Variants in TPTE2 observed in about 807,000 individuals in gnomAD.
The protein encoded by TPTE2 is transmembrane phosphoinositide 3-phosphatase and tensin homolog 2.
A neutral mutation model predicts 78.6 loss-of-function variants in TPTE2; 53 were observed. The ratio of observed to expected loss-of-function variants is 0.67; its 90% CI spans 0.54 to 0.85. TPTE2 has a LOEUF of 0.85. Ranked by LOEUF, TPTE2 falls within the 40% of genes least tolerant of loss-of-function variation. TPTE2 has a pLI of 0.00. For synonymous variants in TPTE2, 175 were observed against 206.2 expected, an observed-to-expected ratio of 0.85 and a Z score of 1.30; for missense variants, 461 against 623.0, an observed-to-expected ratio of 0.74 and a Z score of 2.77.
At position 19,535,040 on chromosome 13, in the gene TPTE2, C is replaced by A. The variant is rs1057335597; in HGVS notation, c.-44+1556G>T. 6.6e-5 allele frequency among the ~76,000 whole-genome samples: 10 copies of A among 151,976 alleles called. No homozygotes were observed. Among genetic ancestry groups the A allele is most frequent in the African/African-American group, 2.4e-4 (10 of 41,382 alleles). On this transcript the variant is annotated intron_variant, in intron 1 of 17. Transcript: ENST00000390680. This position sits in a 1 kb window ranked among gnomAD's most constrained non-coding sequence, Gnocchi z 5.1. ...CCAACATCGTGAAGCCCCATCTCTA[C>A]CAAAAATACAGAAATTAGCCAGGCG...
intron 4 of TPTE2, among the ~76,000 whole-genome samples, chr13:19,476,607 C>T (rs572429549): frequency 3.9e-5 from 6 of 151,964 alleles, no homozygotes; most frequent in African/African-American, 1.5e-4. Flanking sequence ...AACAAGCATA[C>T]GAAGAAAAGC....
intron 19 of TPTE2, among the ~76,000 whole-genome samples, chr13:19,424,320 G>A (rs1396467854): frequency 6.6e-6 from 1 of 152,152 alleles, no homozygotes; most frequent in Non-Finnish European, 1.5e-5. Flanking sequence ...TGAGAAATGT[G>A]GTTCCAAATA....
intron 15 of TPTE2, among the ~76,000 whole-genome samples, 180 bp from the exon 19 acceptor site, chr13:19,432,758 G>A (rs1210582032): frequency 6.6e-6 from 1 of 150,704 alleles, no homozygotes; most frequent in Non-Finnish European, 1.5e-5. Flanking sequence ...TATCTACCTT[G>A]AGGGAAAAAT....
intron 1 of TPTE2, among the ~76,000 whole-genome samples, chr13:19,497,797 G>A (rs1224266334): frequency 6.6e-6 from 1 of 151,490 alleles, no homozygotes; most frequent in Non-Finnish European, 1.5e-5. Context: ...AAAGCTGGAT[G>A]GAGAATGACT....
In TPTE2 at chr13:19,443,833, G is replaced by A. The variant is rs1877654777; in HGVS notation, c.974-5680C>T. Among the ~76,000 whole-genome samples, 3 of 151,922 alleles carry A rather than the reference G, an allele frequency of 2.0e-5. No individual in the cohort carries two copies. In the South Asian group the frequency reaches 6.2e-4, roughly 32 times the overall value. On this transcript the variant is annotated intron_variant, in intron 13 of 19. Transcript: ENST00000400230. The stretch of plus-strand genomic sequence containing the variant: ...AAGCTTTTCCTTTGAGAATGGAACT[G>A]TATGTTGATGGCTGCTATTGCCACT...
chr13:19,499,926 G>A (rs1027750847), intron 1 of TPTE2, among the ~76,000 whole-genome samples: 3 of 143,574 alleles, frequency 2.1e-5, no homozygotes, highest in Middle Eastern at 3.5e-3. Context: ...GAAAAAAAGA[G>A]AGAAGAATCT....
At chr13:19,474,654 T>C (rs1024470981) in intron 5 of TPTE2, among the ~76,000 whole-genome samples, 1 of 152,232 alleles carries the variant, frequency 6.6e-6, no homozygotes, top group Non-Finnish European at 1.5e-5. Context: ...TCTAAAGTAC[T>C]TCCTGCCACT....
At chr13:19,450,491 C>T (rs1404257811) in intron 11 of TPTE2, 147 bp from the exon 15 acceptor site, 23 of 747,958 alleles carry the variant, frequency 3.1e-5, no homozygotes, top group Admixed American at 1.2e-4. Context: ...CTAAAATAAA[C>T]GCAAGCATTT....
upstream of TPTE2, among the ~76,000 whole-genome samples, chr13:19,506,627 T>C (rs186163645): frequency 4.2e-3 from 636 of 152,322 alleles, 5 homozygotes; most frequent in South Asian, 0.026. Context: ...CTGCAGTTAC[T>C]CTAGACATGA....
intron 3 of TPTE2, among the ~76,000 whole-genome samples, chr13:19,484,535 A>G (rs1258443308): frequency 1.3e-5 from 2 of 152,162 alleles, no homozygotes; most frequent in Non-Finnish European, 2.9e-5. Context: ...TTCTGTCTAG[A>G]TGATTTGCCC....
chr13:19,543,666 A>G, the TPTE2 span, among the ~76,000 whole-genome samples: 1 of 152,120 alleles, frequency 6.6e-6, no homozygotes, highest in South Asian at 2.1e-4. Context: ...ACTAATGAAT[A>G]TTTTCATAAA....
chr13:19,437,021 C>G (rs1279403402), intron 14 of TPTE2, among the ~76,000 whole-genome samples: 2 of 136,748 alleles, frequency 1.5e-5, no homozygotes, highest in East Asian at 4.3e-4. Context: ...CTGCAATCCA[C>G]ATTAATAAAC....
intron 6 of TPTE2, 42 bp from the exon 10 acceptor site, chr13:19,467,386 G>A (rs1343882037): frequency 4.3e-6 from 6 of 1,397,518 alleles, no homozygotes; most frequent in Non-Finnish European, 5.6e-6. Flanking sequence ...ATTTCCCTCT[G>A]CAAGAAGAGA....
chr13:19,507,156 T>G (rs541062814), upstream of TPTE2, among the ~76,000 whole-genome samples: 2 of 152,222 alleles, frequency 1.3e-5, no homozygotes, highest in East Asian at 3.9e-4. Context: ...CACTGAGGAC[T>G]CCATCATGGG....
At chr13:19,428,114 C>T (rs1446216777) in intron 17 of TPTE2, among the ~76,000 whole-genome samples, 1 of 152,002 alleles carries the variant, frequency 6.6e-6, no homozygotes, top group East Asian at 1.9e-4. Flanking sequence ...AGAATTTAGT[C>T]CAAACGGAGA....
intron 1 of TPTE2, among the ~76,000 whole-genome samples, chr13:19,516,749 G>A (rs1202983453): frequency 2.6e-5 from 4 of 152,086 alleles, no homozygotes; most frequent in Admixed American, 1.3e-4. Flanking sequence ...GCAACCAGCC[G>A]CCCCTGTAGG....
At chr13:19,491,903 T>G (rs1282471811) in intron 3 of TPTE2, among the ~76,000 whole-genome samples, 1 of 152,156 alleles carries the variant, frequency 6.6e-6, no homozygotes, top group African/African-American at 2.4e-5. Flanking sequence ...TTTTAAAAAT[T>G]TATTTATTGG....
intron 16 of TPTE2, 43 bp from the exon 20 acceptor site, chr13:19,430,590 T>C: frequency 2.1e-6 from 3 of 1,409,148 alleles, no homozygotes; most frequent in Non-Finnish European, 3.0e-6. Context: ...TTGGTTAGCA[T>C]GAAGATCAAT....
chr13:19,528,872 C>A (rs560194361), intron 1 of TPTE2, among the ~76,000 whole-genome samples: 2 of 152,126 alleles, frequency 1.3e-5, no homozygotes, highest in African/African-American at 4.8e-5. Context: ...GTAATCCCAG[C>A]ACTTTGGGAG....
Sources: allele counts gnomAD v4.1 joint callset (sites outside exome capture counted in the v4.1 genomes callset), GRCh38; gene constraint gnomAD v4.1.1; non-coding constraint Gnocchi (gnomAD v3.1); transcripts MANE v1.5; gene names NCBI Gene and HGNC (gene_info 2026-07-23, HGNC 2026-07-21).